The following ITGAM variants were observed in gnomAD, a reference collection of about 807,000 sequenced individuals.
The protein encoded by ITGAM is integrin subunit alpha M.
A neutral mutation model predicts 137.5 loss-of-function variants in ITGAM; 79 were observed. The observed-to-expected ratio is 0.57, with a 90% CI of 0.48 to 0.69. The LOEUF is 0.69. Ranked by LOEUF, ITGAM falls within the 30% of genes least tolerant of loss-of-function variation. ITGAM has a pLI of 0.00. For missense variants in ITGAM, 1,343 were observed against 1,483.5 expected (o/e 0.91, Z 1.56); for synonymous variants, 583 against 592.3 (o/e 0.98, Z 0.23).
In ITGAM at chr16:31,297,909, G is replaced by A. The variant is rs759876020; in HGVS notation, c.1662G>A (p.Leu554=). The part of the protein sequence containing the change: ...GEEDNRGAVY[L]FHGTSGSGIS... ...AGGACAACCGGGGTGCTGTTTACCT[G>A]TTTCACGGAACCTCAGGATCTGGCA... Residue 554 remains leucine (L), a synonymous_variant, in exon 14 of 30, where the codon CTG becomes CTA. Coordinates refer to ENST00000544665, the MANE Select transcript of ITGAM (RefSeq NM_000632.4). 5 of 1,613,940 alleles carry A rather than the reference G, an allele frequency of 3.1e-6. No individual in the cohort carries two copies. Among genetic ancestry groups the A allele is most frequent in the Non-Finnish European group, 4.2e-6 (5 of 1,179,986 alleles).
intron 14 of ITGAM, among the ~76,000 whole-genome samples, chr16:31,299,812 C>T (rs536969355): frequency 2.3e-5 from 3 of 127,780 alleles, no homozygotes; most frequent in Non-Finnish European, 5.0e-5. Context: ...TCTTCCTCCT[C>T]CTCCCCCTCC....
At chr16:31,322,043 TG>T (rs908448885) in intron 16 of ITGAM, among the ~76,000 whole-genome samples, 1 of 152,164 alleles carries the variant, frequency 6.6e-6, no homozygotes, top group Non-Finnish European at 1.5e-5. Flanking sequence ...GAACTGTGTT[TG>T]GGGTGGGAGA....
chr16:31,295,237 GT>G (rs1373299330), intron 12 of ITGAM, among the ~76,000 whole-genome samples: 25 of 151,408 alleles, frequency 1.7e-4, no homozygotes, highest in Non-Finnish European at 3.4e-4. Flanking sequence ...ATAAATTTTA[GT>G]TTTTTTTCTA....
intron 5 of ITGAM, among the ~76,000 whole-genome samples, chr16:31,269,612 G>C (rs916778076): frequency 2.6e-5 from 4 of 152,110 alleles, no homozygotes; most frequent in Non-Finnish European, 4.4e-5. Context: ...TACAAAGAGG[G>C]GGGTTTATTT....
intron 29 of ITGAM, 160 bp downstream of exon 29, chr16:31,331,435 T>G (rs1239181158): frequency 1.9e-5 from 13 of 672,836 alleles, no homozygotes; most frequent in Non-Finnish European, 2.6e-6. Context: ...GCCGGGTTCA[T>G]GCGCGGGGCG....
At chr16:31,304,343 T>C (rs925369831) in intron 14 of ITGAM, among the ~76,000 whole-genome samples, 1 of 152,220 alleles carries the variant, frequency 6.6e-6, no homozygotes, top group African/African-American at 2.4e-5. Context: ...TTGTTTGAGT[T>C]CCTTATAGTT....
At chr16:31,314,168 A>C (rs1306226436) in intron 14 of ITGAM, among the ~76,000 whole-genome samples, 1 of 152,122 alleles carries the variant, frequency 6.6e-6, no homozygotes, top group Non-Finnish European at 1.5e-5. Context: ...ATATTCTCTC[A>C]TTCTGTAGGC....
At position 31,326,717 on chromosome 16, in the gene ITGAM, T is replaced by G. The variant is rs569746739; in HGVS notation, c.2629-139T>G. 4.1e-5 allele frequency: 28 copies of G among 679,962 alleles called. No homozygotes were observed. The East Asian group carries it at 7.3e-4, about 18-fold the overall frequency. 42.1% of individuals were successfully genotyped at this position (679,962 alleles called of 1,614,324 possible). A position where few individuals can be genotyped will look rare whatever the true frequency, so the allele number is the denominator to read the frequency against. On this transcript the variant is annotated intron_variant, in intron 21 of 29. Transcript: ENST00000544665. ...CAGGTGTGAGCCACCGCACCTGGCCTTCATTGCTTTTTATTTGGTGAACAA... is the reference window on the plus strand; with the variant it reads ...CAGGTGTGAGCCACCGCACCTGGCCGTCATTGCTTTTTATTTGGTGAACAA...
Position 31,315,308 on chromosome 16 carries a change from T to C in ITGAM, c.1708-5933T>C, listed in dbSNP as rs182423443. On this transcript the variant is annotated intron_variant, in intron 14 of 29. Transcript: ENST00000544665. ...TTGATGCAATTCCATTTGTCTGTTT[T>C]TGTTTTTGTTGCTTGTGCTTTCAGG... Among the ~76,000 whole-genome samples the C allele has an allele frequency of 8.5e-4, 130 of 152,306 alleles. 4 individuals are homozygous for C. Among genetic ancestry groups the C allele is most frequent in the Admixed American group, 8.1e-3 (124 of 15,296 alleles).
chr16:31,270,722 TATATATATATATATATATA>T (rs1484177335), intron 5 of ITGAM, among the ~76,000 whole-genome samples: 2 of 107,522 alleles, frequency 1.9e-5, no homozygotes, highest in African/African-American at 4.0e-5. Flanking sequence ...TATATATATA[TATATATATATATATATATA>T]TATGTTTTTA....
intron 12 of ITGAM, among the ~76,000 whole-genome samples, chr16:31,288,229 A>G (rs1227373977): frequency 6.6e-6 from 1 of 152,088 alleles, no homozygotes; most frequent in African/African-American, 2.4e-5. Context: ...AAAGAAGGGT[A>G]GGTGTGGCTT....
At chr16:31,280,904 T>C (rs1332744684) in intron 12 of ITGAM, among the ~76,000 whole-genome samples, 2 of 152,156 alleles carry the variant, frequency 1.3e-5, no homozygotes, top group East Asian at 3.8e-4. Context: ...CAATACCTAG[T>C]TTATTTAGAG....
intron 12 of ITGAM, among the ~76,000 whole-genome samples, chr16:31,296,012 T>C (rs2080128947): frequency 6.6e-6 from 1 of 152,140 alleles, no homozygotes; most frequent in Non-Finnish European, 1.5e-5. Flanking sequence ...GTTAATGTGA[T>C]ATGCCACATT....
intron 12 of ITGAM, among the ~76,000 whole-genome samples, chr16:31,282,160 AGGTGT>A (rs1208173723): frequency 2.0e-5 from 3 of 152,152 alleles, no homozygotes; most frequent in African/African-American, 7.2e-5. Flanking sequence ...ATTTTGTAAT[AGGTGT>A]GGTGTGGTGT....
chr16:31,263,860 G>C (rs892821324), intron 2 of ITGAM, among the ~76,000 whole-genome samples: 1 of 148,440 alleles, frequency 6.7e-6, no homozygotes, highest in African/African-American at 2.5e-5. Flanking sequence ...TATTGAGATG[G>C]AGTCTCGCTT....
intron 14 of ITGAM, among the ~76,000 whole-genome samples, chr16:31,315,588 G>T (rs1407036764): frequency 6.6e-6 from 1 of 152,012 alleles, no homozygotes; most frequent in Non-Finnish European, 1.5e-5. Context: ...CTCCCAAGTA[G>T]CTGGGATTAC....
rs544442834 is a variant in ITGAM at position 31,309,935 on chromosome 16, A to G, written c.1708-11306A>G. Among the ~76,000 whole-genome samples, 6 of 152,158 alleles carry G rather than the reference A, an allele frequency of 3.9e-5. No individual in the cohort carries two copies. In the East Asian group the frequency reaches 1.2e-3, roughly 30 times the overall value. ...GAAGCTTAGTTTGGCTGGATATGAA[A>G]TTCTGGGTTGAAAATTCTTTCCTTT... is the stretch of plus-strand genomic sequence containing the variant. On this transcript the variant is annotated intron_variant, in intron 14 of 29. Coordinates refer to ENST00000544665, the MANE Select transcript of ITGAM (RefSeq NM_000632.4).
At chr16:31,329,073 T>TACCC in intron 23 of ITGAM, 155 bp from the exon 24 acceptor site, 3 of 426,232 alleles carry the variant, frequency 7.0e-6, no homozygotes, top group South Asian at 2.1e-5. Context: ...ACACATTGGT[T>TACCC]CCCCCATCCC....
intron 14 of ITGAM, among the ~76,000 whole-genome samples, 195 bp from the exon 15 acceptor site, chr16:31,321,046 C>A (rs559221931): frequency 1.3e-5 from 2 of 152,068 alleles, no homozygotes; most frequent in Non-Finnish European, 2.9e-5. Context: ...TTGTAGGTAT[C>A]CTCTTGAGGT....
Sources: allele counts gnomAD v4.1 joint callset (sites outside exome capture counted in the v4.1 genomes callset), GRCh38; gene constraint gnomAD v4.1.1; transcripts MANE v1.5; gene names NCBI Gene and HGNC (gene_info 2026-07-23, HGNC 2026-07-21).